Variants in CADM2 observed in about 807,000 individuals in gnomAD.
CADM2 encodes the protein cell adhesion molecule 2.
A neutral mutation model predicts 49.8 loss-of-function variants in CADM2; 12 were observed. That is an observed-to-expected ratio of 0.24 (90% CI 0.15 to 0.39). The LOEUF (loss-of-function observed/expected upper bound fraction) is 0.39. Ranked by LOEUF, CADM2 falls within the 10% of genes least tolerant of loss-of-function variation. The pLI, the probability that CADM2 is intolerant of heterozygous loss-of-function variation, is 1.00. For missense variants in CADM2, 378 were observed against 492.3 expected (o/e 0.77, Z 2.20); for synonymous variants, 214 against 175.4 (o/e 1.22, Z -1.74).
intron 1 of CADM2, among the ~76,000 whole-genome samples, chr3:85,700,679 C>A (rs1215684285): frequency 6.6e-6 from 1 of 152,142 alleles, no homozygotes; most frequent in Non-Finnish European, 1.5e-5. Context: ...ATGCCACCAG[C>A]TTCTTTGCTA....
At chr3:85,287,449 ATAAAT>A (rs1432822960) in intron 1 of CADM2, among the ~76,000 whole-genome samples, 1 of 152,140 alleles carries the variant, frequency 6.6e-6, no homozygotes, top group Non-Finnish European at 1.5e-5. Flanking sequence ...ATTTCAATAA[ATAAAT>A]AGAATTTTTC....
intron 6 of CADM2, among the ~76,000 whole-genome samples, chr3:85,924,704 T>C (rs1719604831): frequency 6.6e-6 from 1 of 152,220 alleles, no homozygotes; most frequent in African/African-American, 2.4e-5. Flanking sequence ...TTTAAGGTCT[T>C]CCTTGTGGCC....
intron 3 of CADM2, among the ~76,000 whole-genome samples, chr3:85,829,371 A>C (rs1373660481): frequency 6.6e-6 from 1 of 151,910 alleles, no homozygotes; most frequent in Non-Finnish European, 1.5e-5. Flanking sequence ...TATGATGTGT[A>C]ATGATCAAAT....
At chr3:85,256,196 C>G (rs2042882053) in intron 1 of CADM2, among the ~76,000 whole-genome samples, 1 of 152,032 alleles carries the variant, frequency 6.6e-6, no homozygotes, top group African/African-American at 2.4e-5. Flanking sequence ...TCCTCTCTCC[C>G]TGTGGACTTC....
At chr3:84,959,758 G>A in intron 1 of CADM2, 90 bp downstream of exon 1, 1 of 1,242,072 alleles carries the variant, frequency 8.1e-7, no homozygotes, top group Non-Finnish European at 1.1e-6. Flanking sequence ...TCCCCTCCCA[G>A]TCTCCCTGTC....
chr3:85,467,763 T>C (rs79906023), intron 1 of CADM2, among the ~76,000 whole-genome samples: 2,590 of 152,296 alleles, frequency 0.017, 30 homozygotes, highest in South Asian at 0.029. Context: ...TACACCATTT[T>C]ATCTTAATTA....
intron 1 of CADM2, among the ~76,000 whole-genome samples, chr3:85,468,303 T>C (rs1356180793): frequency 6.6e-6 from 1 of 152,004 alleles, no homozygotes; most frequent in East Asian, 1.9e-4. Context: ...GTAGAGAAGA[T>C]GCTCACATTA....
chr3:85,867,950 A>C (rs2075784721), intron 3 of CADM2, among the ~76,000 whole-genome samples: 1 of 152,058 alleles, frequency 6.6e-6, no homozygotes, highest in Non-Finnish European at 1.5e-5. Context: ...GCTAAAACAC[A>C]GTCTAAACAA....
rs75721743 is a variant in CADM2 at position 85,312,041 on chromosome 3, AT to A, written c.61+352381del. On this transcript the variant is annotated intron_variant, in intron 1 of 9. Coordinates refer to ENST00000383699, the MANE Select transcript of CADM2 (RefSeq NM_001167675.2). ...TTTTATGTGTTCTACGGTGTGAATTATTTTTTTTAAAGGCCTCTTTTTTAAA... is the reference window on the plus strand; with the variant it reads ...TTTTATGTGTTCTACGGTGTGAATTATTTTTTTAAAGGCCTCTTTTTTAAA... Among the ~76,000 whole-genome samples the A allele has an allele frequency of 1.5e-4, 23 of 152,012 alleles. No homozygotes were observed. In the East Asian group the frequency reaches 1.6e-3, roughly 10 times the overall value.
At chr3:85,361,168 C>T (rs565412145) in intron 1 of CADM2, among the ~76,000 whole-genome samples, 56 of 152,210 alleles carry the variant, frequency 3.7e-4, no homozygotes, top group Middle Eastern at 3.4e-3. Context: ...TTTATTTGAG[C>T]ATTGAACGAT....
At chr3:85,071,333 G>A (rs2036735193) in intron 1 of CADM2, among the ~76,000 whole-genome samples, 1 of 152,072 alleles carries the variant, frequency 6.6e-6, no homozygotes, top group Non-Finnish European at 1.5e-5. Context: ...ATAGTTGTCA[G>A]GACTCAGGAC....
At chr3:85,438,831 C>A (rs2037052112) in intron 1 of CADM2, among the ~76,000 whole-genome samples, 1 of 151,834 alleles carries the variant, frequency 6.6e-6, no homozygotes, top group Non-Finnish European at 1.5e-5. Context: ...AGCCACCATA[C>A]CTGGATAATA....
chr3:85,292,404 C>T (rs977490480), intron 1 of CADM2, among the ~76,000 whole-genome samples: 21 of 150,866 alleles, frequency 1.4e-4, no homozygotes, highest in East Asian at 7.8e-4. Flanking sequence ...AACAAGGATA[C>T]CCAGGAATTG....
At chr3:85,572,093 T>G (rs1339889568) in intron 1 of CADM2, among the ~76,000 whole-genome samples, 1 of 152,048 alleles carries the variant, frequency 6.6e-6, no homozygotes, top group African/African-American at 2.4e-5. Flanking sequence ...GGTCAGGAAG[T>G]TGAGACCAGC....
chr3:85,196,756 A>G (rs2041353937), intron 1 of CADM2, among the ~76,000 whole-genome samples: 1 of 151,942 alleles, frequency 6.6e-6, no homozygotes, highest in Admixed American at 6.6e-5. Context: ...ATTTTTGTTC[A>G]CTAATCCATA....
At chr3:85,012,825 C>G (rs749311697) in intron 1 of CADM2, among the ~76,000 whole-genome samples, 1 of 151,320 alleles carries the variant, frequency 6.6e-6, no homozygotes, top group Non-Finnish European at 1.5e-5. Context: ...ATCATAGTAT[C>G]ATTTTGATTG....
chr3:85,974,309 G>C (rs1726515197), intron 8 of CADM2, among the ~76,000 whole-genome samples: 1 of 151,614 alleles, frequency 6.6e-6, no homozygotes, highest in African/African-American at 2.4e-5. Flanking sequence ...CAAAGAACAG[G>C]AAGAGCTATG....
chr3:84,966,728 A>C (rs576883986), intron 1 of CADM2, among the ~76,000 whole-genome samples: 2 of 152,194 alleles, frequency 1.3e-5, no homozygotes, highest in East Asian at 3.9e-4. Flanking sequence ...TTTGAAGTAA[A>C]TATTAACACA....
intron 3 of CADM2, among the ~76,000 whole-genome samples, chr3:85,855,156 T>G (rs1206955118): frequency 6.6e-6 from 1 of 152,088 alleles, no homozygotes; most frequent in African/African-American, 2.4e-5. Flanking sequence ...ATCTGTTACC[T>G]TCCTATCCCA....
Sources: allele counts gnomAD v4.1 joint callset (sites outside exome capture counted in the v4.1 genomes callset), GRCh38; gene constraint gnomAD v4.1.1; transcripts MANE v1.5; gene names NCBI Gene and HGNC (gene_info 2026-07-23, HGNC 2026-07-21).